TMED3: variants seen among roughly 807,000 people sequenced by gnomAD.
The protein encoded by TMED3 is transmembrane p24 trafficking protein 3, also known as transmembrane emp24 domain-containing protein 3.
A neutral mutation model predicts 15.0 loss-of-function variants in TMED3; 9 were observed. The observed-to-expected ratio is 0.60, with a 90% confidence interval of 0.36 to 1.04. The LOEUF is 1.04. Among genes scored for constraint, TMED3 ranks in the 50% least tolerant of loss-of-function variants. TMED3 has a pLI of 0.01. For missense variants in TMED3, 267 were observed against 278.9 expected (o/e 0.96, Z 0.30); for synonymous variants, 117 against 121.4 (o/e 0.96, Z 0.24).
rs2058771784 is a variant in TMED3, at chr15:79,322,388, C to G, written c.*174C>G. ...CTTGCACCTCAGCAGCTGAAGGTCT[C>G]AGAGACCAGTAATCAGAAGGCATCC... On this transcript the variant is annotated 3_prime_UTR_variant, in exon 3 of 3. Transcript: ENST00000299705. 3 of 1,437,750 alleles carry G rather than the reference C, an allele frequency of 2.1e-6. No homozygotes were observed. The East Asian group carries it at 7.4e-5, about 36-fold the overall frequency. 89.1% of individuals were successfully genotyped at this position (1,437,750 alleles called of 1,614,324 possible).
intron 2 of TMED3, among the ~76,000 whole-genome samples, chr15:79,381,095 T>C (rs2174821): frequency 0.11 from 17,040 of 152,198 alleles, 1,023 homozygotes; most frequent in Admixed American, 0.14. Context: ...CACCTGGAAA[T>C]TGATTCCCTT....
intron 2 of TMED3, among the ~76,000 whole-genome samples, chr15:79,319,623 C>T (rs2058755756): frequency 6.6e-6 from 1 of 152,100 alleles, no homozygotes; most frequent in South Asian, 2.1e-4. Flanking sequence ...CCCAGGGGAC[C>T]ACTACCACCA....
intron 2 of TMED3, among the ~76,000 whole-genome samples, chr15:79,358,235 G>C (rs1196815368): frequency 2.0e-5 from 3 of 152,214 alleles, no homozygotes; most frequent in African/African-American, 2.4e-5. Flanking sequence ...GGGGCCTGCT[G>C]TCTCACAACC....
chr15:79,363,418 C>T (rs967271805), intron 2 of TMED3, among the ~76,000 whole-genome samples: 16 of 145,340 alleles, frequency 1.1e-4, no homozygotes, highest in African/African-American at 1.5e-4. Flanking sequence ...TACTGTATCA[C>T]AAAGAAATGG....
At chr15:79,372,436 A>G (rs986384489) in intron 2 of TMED3, among the ~76,000 whole-genome samples, 13 of 152,222 alleles carry the variant, frequency 8.5e-5, no homozygotes, top group African/African-American at 3.1e-4. Flanking sequence ...CTGTTCTCAC[A>G]CTGCTAATAA....
At chr15:79,382,402 C>A (rs948942569) in intron 2 of TMED3, among the ~76,000 whole-genome samples, 2 of 152,240 alleles carry the variant, frequency 1.3e-5, no homozygotes, top group African/African-American at 4.8e-5. Flanking sequence ...ATAGTTGTGA[C>A]TAGCCCTACC....
exon 3 of TMED3, chr15:79,413,216 C>T (rs1321547642): frequency 2.8e-4 from 42 of 152,212 alleles, no homozygotes; most frequent in Non-Finnish European, 4.4e-5. Flanking sequence ...TCTGAACCCG[C>T]ACATGTACCC....
downstream of TMED3, among the ~76,000 whole-genome samples, chr15:79,323,925 T>C (rs969078673): frequency 6.6e-6 from 1 of 152,240 alleles, no homozygotes; most frequent in African/African-American, 2.4e-5. Context: ...ATGTACTGCT[T>C]ATGCAGTGTT....
chr15:79,378,743 C>A (rs1017630818), intron 2 of TMED3, among the ~76,000 whole-genome samples: 8 of 152,178 alleles, frequency 5.3e-5, no homozygotes, highest in Non-Finnish European at 7.3e-5. Flanking sequence ...GAGATGAATG[C>A]TTGCAAAAAC....
rs550231312 is a variant in TMED3 at position 79,321,002 on chromosome 15, C to T, written c.418-976C>T. ...TCCTTGCTGACTGTTGTACCCTCAA[C>T]GCCTGGAGGCCTTTTTCTGGTCCTG... On this transcript the variant is annotated intron_variant, in intron 2 of 2. Transcript: ENST00000299705. Among the ~76,000 whole-genome samples, 8 of 152,326 alleles carry T rather than the reference C, an allele frequency of 5.3e-5. No individual in the cohort carries two copies. In the East Asian group the frequency reaches 5.8e-4, roughly 11 times the overall value.
At chr15:79,412,220 A>T (rs1013227460) in exon 3 of TMED3, 1 of 152,110 alleles carries the variant, frequency 6.6e-6, no homozygotes. Context: ...CATCCCCCCC[A>T]ATCACTGCTG....
intron 2 of TMED3, among the ~76,000 whole-genome samples, chr15:79,402,423 G>C (rs370455738): frequency 1.7e-4 from 26 of 152,234 alleles, no homozygotes; most frequent in African/African-American, 6.0e-4. Context: ...TAGAGCCAAG[G>C]CTTGGCACTG....
downstream of TMED3, among the ~76,000 whole-genome samples, chr15:79,324,270 C>T (rs559692207): frequency 4.6e-5 from 7 of 152,366 alleles, no homozygotes; most frequent in African/African-American, 9.6e-5. Flanking sequence ...GGATTACAGG[C>T]GTGAGCCACT....
chr15:79,357,053 T>C (rs1356098790), intron 2 of TMED3, among the ~76,000 whole-genome samples: 1 of 152,102 alleles, frequency 6.6e-6, no homozygotes, highest in African/African-American at 2.4e-5. Context: ...AACACAGTTA[T>C]GAACAAACAT....
At position 79,345,456 on chromosome 15, in the gene TMED3, G is replaced by A. The variant is rs1459296867; in HGVS notation, c.417+31451G>A. Among the ~76,000 whole-genome samples, 18 of 152,206 alleles carry A rather than the reference G, an allele frequency of 1.2e-4. No individual in the cohort carries two copies. In the Middle Eastern group the frequency reaches 0.014, roughly 115 times the overall value. On this transcript the variant is annotated intron_variant, in intron 2 of 2. Coordinates refer to the TMED3 transcript ENST00000424155. ...AGGATAATGACCTCCAGCTCCATCC[G>A]TGTTCCTGCAAATGACATGATCTTG...
chr15:79,377,041 G>A (rs888276629), intron 2 of TMED3, among the ~76,000 whole-genome samples: 1 of 152,182 alleles, frequency 6.6e-6, no homozygotes, highest in Non-Finnish European at 1.5e-5. Context: ...ACTTTGGGAA[G>A]AACTAGAGGG....
intron 2 of TMED3, among the ~76,000 whole-genome samples, chr15:79,407,058 C>G (rs1289623131): frequency 6.6e-6 from 1 of 152,218 alleles, no homozygotes; most frequent in Non-Finnish European, 1.5e-5. Context: ...TCCAGGGATG[C>G]TGTCACACAC....
At chr15:79,321,699 A>T (rs1026900458) in intron 2 of TMED3, among the ~76,000 whole-genome samples, 50 of 152,324 alleles carry the variant, frequency 3.3e-4, no homozygotes, top group African/African-American at 1.1e-3. Context: ...AGGATTGAAT[A>T]AGAGAGTATA....
chr15:79,412,343 C>G (rs933588298), exon 3 of TMED3: 3 of 152,466 alleles, frequency 2.0e-5, no homozygotes, highest in Admixed American at 6.5e-5. Context: ...TCCTCCTCCC[C>G]ACACCATGCC....
Sources: gnomAD v4.1 joint callset for allele counts (sites outside exome capture counted in the v4.1 genomes callset) on GRCh38, gnomAD v4.1.1 for gene constraint, MANE v1.5 for transcripts, NCBI Gene and HGNC (gene_info 2026-07-23, HGNC 2026-07-21) for gene names.